The following RAP1GAP2 variants were observed in gnomAD, a reference collection of about 807,000 sequenced individuals.
RAP1GAP2 encodes the protein RAP1 GTPase activating protein 2, also known as rap1 GTPase-activating protein 2.
RAP1GAP2 carries 27 observed loss-of-function variants against 95.0 expected under a neutral mutation model. That is an observed-to-expected ratio of 0.28 (90% CI 0.21 to 0.39). The LOEUF is 0.39. Among genes scored for constraint, RAP1GAP2 ranks in the 10% least tolerant of loss-of-function variants. The pLI is 1.00. For missense variants in RAP1GAP2, 771 were observed against 970.0 expected, an observed-to-expected ratio of 0.79 and a Z score of 2.72; for synonymous variants, 373 against 380.9, an observed-to-expected ratio of 0.98 and a Z score of 0.24.
intron 12 of RAP1GAP2, 78 bp from the exon 13 acceptor site, chr17:2,995,259 C>T (rs2045912190): frequency 6.6e-7 from 1 of 1,507,420 alleles, no homozygotes; most frequent in Non-Finnish European, 9.2e-7. Context: ...GCTGCGTATA[C>T]TTAGGGGAGC....
intron 12 of RAP1GAP2, among the ~76,000 whole-genome samples, chr17:2,992,238 G>A (rs1296385209): frequency 6.6e-6 from 1 of 150,928 alleles, no homozygotes; most frequent in Non-Finnish European, 1.5e-5. Flanking sequence ...TTGACTCATG[G>A]CAGCCTTTGC....
Position 2,984,987 on chromosome 17 carries a change from C to T in RAP1GAP2, c.734C>T (p.Ser245Phe). 1 of 1,606,580 alleles carries T rather than the reference C, an allele frequency of 6.2e-7. No individual in the cohort carries two copies. Among genetic ancestry groups the T allele is most frequent in the Non-Finnish European group, 8.5e-7 (1 of 1,177,690 alleles). ...RFNPVLYPKASQMIVSYDEHE... is the reference protein window; with the variant it reads ...RFNPVLYPKAFQMIVSYDEHE... ...TTTTCTTGCCACATTTTCCAGGCCT[C>T]CCAAATGATTGTGTCCTATGATGAG... The change falls in exon 11 of 25, where the codon TCC becomes TTC. Residue 245 changes from serine (S) to phenylalanine (F), a missense_variant. Coordinates refer to ENST00000254695, the MANE Select transcript of RAP1GAP2 (RefSeq NM_015085.5).
intron 2 of RAP1GAP2, among the ~76,000 whole-genome samples, chr17:2,770,790 C>T (rs962466714): frequency 6.6e-6 from 1 of 152,186 alleles, no homozygotes; most frequent in Non-Finnish European, 1.5e-5. Flanking sequence ...CCTGTAATCC[C>T]AGCACTTTGG....
At chr17:2,880,080 C>A (rs2073232163) in intron 2 of RAP1GAP2, among the ~76,000 whole-genome samples, 1 of 152,112 alleles carries the variant, frequency 6.6e-6, no homozygotes, top group African/African-American at 2.4e-5. Flanking sequence ...GAGCAGGGGG[C>A]TGGGAGCAGG....
At chr17:2,884,562 G>A (rs758043900) in intron 2 of RAP1GAP2, among the ~76,000 whole-genome samples, 1 of 151,940 alleles carries the variant, frequency 6.6e-6, no homozygotes, top group Admixed American at 6.6e-5. Context: ...TAGTGGAAAA[G>A]GGGGTTTCAC....
chr17:2,873,474 CAAAAAAAAAAAAAAAAAAAAAAAA>C (rs71153308), intron 2 of RAP1GAP2, among the ~76,000 whole-genome samples: 1 of 11,398 alleles, frequency 8.8e-5, no homozygotes, highest in Non-Finnish European at 1.5e-4. Flanking sequence ...GACCCTGTCT[CAAAAAAAAAAAAAAAAAAAAAAAA>C]AAAAAAAAAA....
chr17:2,772,855 C>CTTTCTTTTTTTTTTTTT (rs1555540245), upstream of RAP1GAP2, among the ~76,000 whole-genome samples: 1 of 126,038 alleles, frequency 7.9e-6, no homozygotes, highest in Non-Finnish European at 1.7e-5. Context: ...TTCTTTCTTT[C>CTTTCTTTTTTTTTTTTT]TTTTTTTTTT....
At chr17:2,893,659 C>G (rs1282088008) in intron 2 of RAP1GAP2, among the ~76,000 whole-genome samples, 1 of 152,200 alleles carries the variant, frequency 6.6e-6, no homozygotes, top group Non-Finnish European at 1.5e-5. Flanking sequence ...CTGAAGCTGC[C>G]GGAGGCCGTG....
chr17:2,937,476 G>A (rs1268200482), intron 3 of RAP1GAP2, among the ~76,000 whole-genome samples: 1 of 152,126 alleles, frequency 6.6e-6, no homozygotes, highest in Admixed American at 6.5e-5. Flanking sequence ...GCGTGTGCTG[G>A]GGGACACTGT....
chr17:2,990,331 T>G (rs1755996654), intron 11 of RAP1GAP2, among the ~76,000 whole-genome samples: 1 of 152,176 alleles, frequency 6.6e-6, no homozygotes, highest in Admixed American at 6.5e-5. Flanking sequence ...TCTGGATCAT[T>G]TGGTGACTCT....
intron 1 of RAP1GAP2, among the ~76,000 whole-genome samples, chr17:2,781,612 CTG>C (rs149342357): frequency 1.4e-5 from 2 of 145,466 alleles, no homozygotes; most frequent in African/African-American, 2.7e-5. Flanking sequence ...GTGCAGGTCT[CTG>C]TGTGAGCACG....
At chr17:2,895,244 C>A (rs2073852315) in intron 2 of RAP1GAP2, among the ~76,000 whole-genome samples, 1 of 152,192 alleles carries the variant, frequency 6.6e-6, no homozygotes, top group Non-Finnish European at 1.5e-5. Context: ...CCCCAGGTGC[C>A]CTCGGGGGCC....
At chr17:2,805,469 C>G (rs1229945518) in intron 2 of RAP1GAP2, among the ~76,000 whole-genome samples, 2 of 152,166 alleles carry the variant, frequency 1.3e-5, no homozygotes, top group African/African-American at 4.8e-5. Flanking sequence ...GATTCTCCCA[C>G]CTCAGCTTCC....
intron 2 of RAP1GAP2, among the ~76,000 whole-genome samples, chr17:2,885,410 C>T (rs1188242371): frequency 6.6e-6 from 1 of 152,230 alleles, no homozygotes; most frequent in Non-Finnish European, 1.5e-5. Context: ...AACAGAGCCC[C>T]TGAGCACCTC....
chr17:2,931,685 A>G (rs1162491643), intron 3 of RAP1GAP2, among the ~76,000 whole-genome samples: 1 of 152,216 alleles, frequency 6.6e-6, no homozygotes, highest in Non-Finnish European at 1.5e-5. Flanking sequence ...ATCACTCGGG[A>G]CCGAAGCACT....
chr17:2,836,845 T>G (rs2071152296), intron 2 of RAP1GAP2, among the ~76,000 whole-genome samples: 1 of 152,176 alleles, frequency 6.6e-6, no homozygotes, highest in Admixed American at 6.6e-5. Context: ...TCAGTAGGTA[T>G]GATTAAGCTG....
In RAP1GAP2 at chr17:3,003,397, G is replaced by A. The variant is rs766280764; in HGVS notation, c.1201-1972G>A. On this transcript the variant is annotated intron_variant, in intron 14 of 24. Transcript: ENST00000254695. This position sits in a 1 kb window ranked among gnomAD's most constrained non-coding sequence, Gnocchi z 4.1. Reference sequence around the variant, plus strand: ...CCCCCCTATCCCTGCCTCCCTCTCCGGAAGTCCTCAAAGGTGTCAGGAATC... The same window carrying A: ...CCCCCCTATCCCTGCCTCCCTCTCCAGAAGTCCTCAAAGGTGTCAGGAATC... 1.8e-4 allele frequency among the ~76,000 whole-genome samples: 28 copies of A among 152,210 alleles called. No individual in the cohort carries two copies. The highest frequency in any genetic ancestry group is 6.7e-4 in the African/African-American group (28 of 41,524).
intron 1 of RAP1GAP2, among the ~76,000 whole-genome samples, chr17:2,784,514 G>A (rs992037892): frequency 6.6e-6 from 1 of 151,956 alleles, no homozygotes; most frequent in Non-Finnish European, 1.5e-5. Context: ...CAAGTGATCC[G>A]CCCGACTCGG....
intron 5 of RAP1GAP2, chr17:2,962,949 G>A (rs2044405690): frequency 1.8e-5 from 10 of 560,620 alleles, no homozygotes; most frequent in Non-Finnish European, 3.1e-5. Context: ...TGGAGGCCTC[G>A]GTGGGACCTC....
Sources: allele counts gnomAD v4.1 joint callset (sites outside exome capture counted in the v4.1 genomes callset), GRCh38; gene constraint gnomAD v4.1.1; non-coding constraint Gnocchi (gnomAD v3.1); transcripts MANE v1.5; gene names NCBI Gene and HGNC (gene_info 2026-07-23, HGNC 2026-07-21).